FBXO9: variants seen among roughly 807,000 people sequenced by gnomAD.
FBXO9 encodes the protein F-box only protein 9.
In FBXO9, 43 loss-of-function variants were observed where a neutral mutation model predicts 63.7. The observed-to-expected ratio is 0.67, with a 90% CI of 0.53 to 0.87. The LOEUF (loss-of-function observed/expected upper bound fraction) is 0.87. Among genes scored for constraint, FBXO9 ranks in the 40% least tolerant of loss-of-function variants. The pLI is 0.00. For synonymous variants in FBXO9, 156 were observed against 171.7 expected (o/e 0.91, Z 0.72); for missense variants, 442 against 533.2 (o/e 0.83, Z 1.68).
At position 53,099,903 on chromosome 6, in the gene FBXO9, A is replaced by T. The variant is rs1003752709; in HGVS notation, c.*2073A>T. 1 of 152,224 alleles carries T rather than the reference A, an allele frequency of 6.6e-6. No individual in the cohort carries two copies. Among genetic ancestry groups the T allele is most frequent in the Non-Finnish European group, 1.5e-5 (1 of 68,032 alleles). The allele number at this position is 152,224 out of a possible 1,614,324, so 9.4% of individuals were successfully genotyped here. A position where few individuals can be genotyped will look rare whatever the true frequency, so the allele number is the denominator to read the frequency against. ...AATAAATAGAACATGATTAGGACAT[A>T]GTCAAATATAGCTAGAAAAATATAT... On this transcript the variant is annotated 3_prime_UTR_variant, in exon 13 of 13. Transcript: ENST00000323557.
At chr6:53,075,680 C>G (rs930861448) in intron 3 of FBXO9, among the ~76,000 whole-genome samples, 2 of 147,344 alleles carry the variant, frequency 1.4e-5, no homozygotes, top group African/African-American at 5.0e-5. Context: ...TATATATTCT[C>G]TCTCTGAAAT....
At chr6:53,084,474 A>C (rs1651951111) in intron 7 of FBXO9, among the ~76,000 whole-genome samples, 1 of 152,220 alleles carries the variant, frequency 6.6e-6, no homozygotes, top group Admixed American at 6.5e-5. Flanking sequence ...AAGTAGCATT[A>C]AGTGGGGGTA....
intron 12 of FBXO9, among the ~76,000 whole-genome samples, 161 bp downstream of exon 12, chr6:53,095,825 A>G (rs1459466382): frequency 1.3e-5 from 2 of 152,254 alleles, no homozygotes; most frequent in Admixed American, 6.5e-5. Flanking sequence ...AAATGGCCCA[A>G]ACGAAAAAGA....
chr6:53,097,926 G>GTATATATATATATATATATATA lies in FBXO9; in HGVS notation c.*124_*145dup, dbSNP rs57607929. On this transcript the variant is annotated 3_prime_UTR_variant, in exon 13 of 13. Coordinates refer to ENST00000323557, the MANE Select transcript of FBXO9 (RefSeq NM_033480.3). Reference sequence around the variant, plus strand: ...TAAATGTGTGTGTGTGCGTGTGTGTGTATATATATATATATATATATATAT... The same window carrying GTATATATATATATATATATATA: ...TAAATGTGTGTGTGTGCGTGTGTGTGTATATATATATATATATATATATATATATATATATATATATATATAT... 1 of 88,296 alleles carries GTATATATATATATATATATATA rather than the reference G, an allele frequency of 1.1e-5. No homozygotes were observed. The highest frequency in any genetic ancestry group is 2.0e-5 in the Non-Finnish European group (1 of 50,920). 5.5% of individuals were successfully genotyped at this position (88,296 alleles called of 1,614,324 possible). A position where few individuals can be genotyped will look rare whatever the true frequency, so the allele number is the denominator to read the frequency against.
At chr6:53,090,835 C>T (rs1044678468) in intron 7 of FBXO9, 2 of 152,150 alleles carry the variant, frequency 1.3e-5, no homozygotes, top group African/African-American at 2.4e-5. Context: ...CATGTGTCAC[C>T]ATGCCTGGTT....
At chr6:53,091,058 A>G (rs984756037) in intron 7 of FBXO9, 2 of 152,168 alleles carry the variant, frequency 1.3e-5, no homozygotes, top group African/African-American at 4.8e-5. Flanking sequence ...CTAGTGCACT[A>G]TGCTGACTGG....
chr6:53,086,024 C>T (rs1171370029), intron 7 of FBXO9, among the ~76,000 whole-genome samples: 3 of 152,158 alleles, frequency 2.0e-5, no homozygotes, highest in East Asian at 1.9e-4. Context: ...TGGCTCATGC[C>T]TATAATCCCA....
chr6:53,077,488 A>G (rs953965916), intron 4 of FBXO9, among the ~76,000 whole-genome samples: 2 of 150,012 alleles, frequency 1.3e-5, no homozygotes, highest in Non-Finnish European at 3.0e-5. Context: ...AAAAAAAAAA[A>G]AAAAAAAAAA....
chr6:53,076,890 A>T (rs1769132132), intron 4 of FBXO9, among the ~76,000 whole-genome samples: 1 of 152,072 alleles, frequency 6.6e-6, no homozygotes, highest in African/African-American at 2.4e-5. Flanking sequence ...GCTATATTTG[A>T]AATTGTTTTT....
chr6:53,083,018 T>A (rs561060276), intron 7 of FBXO9, among the ~76,000 whole-genome samples: 1 of 152,322 alleles, frequency 6.6e-6, no homozygotes, highest in African/African-American at 2.4e-5. Flanking sequence ...TATTCTATAT[T>A]TTGAAAATTT....
Position 53,071,193 on chromosome 6 carries a change from A to G in FBXO9, c.90+50A>G, listed in dbSNP as rs1038516128. 11 of 1,489,670 alleles carry G rather than the reference A, an allele frequency of 7.4e-6. No individual in the cohort carries two copies. In the Admixed American group the frequency reaches 1.6e-4, roughly 22 times the overall value. The allele number at this position is 1,489,670 out of a possible 1,614,324, so 92.3% of individuals were successfully genotyped here. ...GATTTTTATTCCATTGTTCCCATAC[A>G]TATGCAGAAATTGATCATAATCATG... On this transcript the variant is annotated intron_variant, in intron 2 of 12. Coordinates refer to ENST00000323557, the MANE Select transcript of FBXO9 (RefSeq NM_033480.3).
At chr6:53,096,172 CTT>C in intron 12 of FBXO9, among the ~76,000 whole-genome samples, 1 of 152,260 alleles carries the variant, frequency 6.6e-6, no homozygotes, top group African/African-American at 2.4e-5. Context: ...ATTTAAAACT[CTT>C]TGTTCTATGC....
In FBXO9 at chr6:53,097,979, A is replaced by G. The variant is rs1763265980; in HGVS notation, c.*149A>G. 1 of 137,642 alleles carries G rather than the reference A, an allele frequency of 7.3e-6. No individual in the cohort carries two copies. Among genetic ancestry groups the G allele is most frequent in the South Asian group, 2.4e-4 (1 of 4,236 alleles). The allele number at this position is 137,642 out of a possible 1,614,324, so 8.5% of individuals were successfully genotyped here. A position where few individuals can be genotyped will look rare whatever the true frequency, so the allele number is the denominator to read the frequency against. ...ATATATATATATATATATATATGGA[A>G]TTGGAACTTATTTTAAATTGTTGGA... On this transcript the variant is annotated 3_prime_UTR_variant, in exon 13 of 13. Coordinates refer to ENST00000323557, the MANE Select transcript of FBXO9 (RefSeq NM_033480.3).
intron 12 of FBXO9, among the ~76,000 whole-genome samples, chr6:53,096,022 C>T (rs1763200071): frequency 6.6e-6 from 1 of 152,148 alleles, no homozygotes; most frequent in Admixed American, 6.5e-5. Context: ...TTTCTTTTCC[C>T]ACAGTTACCA....
intron 2 of FBXO9, among the ~76,000 whole-genome samples, chr6:53,072,312 A>G (rs745749822): frequency 1.3e-5 from 2 of 152,088 alleles, no homozygotes; most frequent in East Asian, 3.9e-4. Context: ...TGGGTTCCCC[A>G]GGAAGCAGAC....
In FBXO9 at chr6:53,082,576, A is replaced by T; in HGVS notation, c.611A>T (p.Glu204Val). The change falls in exon 7 of 13, where the codon GAG (glutamate) becomes GTG (valine). Residue 204 changes from glutamate (E) to valine (V), a missense_variant. By Grantham distance (121) the Glu-to-Val change is moderately radical. Coordinates refer to ENST00000323557, the MANE Select transcript of FBXO9 (RefSeq NM_033480.3). Reference protein sequence around the residue: ...VSSDLDLRSLEQLSLVCRGFY... With the variant: ...VSSDLDLRSLVQLSLVCRGFY... Reference sequence around the variant, plus strand: ...AGTGACTTGGACCTCAGATCATTGGAGCAGTTGTCGCTGGTGTGCAGAGGA... The same window carrying T: ...AGTGACTTGGACCTCAGATCATTGGTGCAGTTGTCGCTGGTGTGCAGAGGA... 6.2e-7 allele frequency: 1 copy of T among 1,613,774 alleles called. No homozygotes were observed. Among genetic ancestry groups the T allele is most frequent in the South Asian group, 1.1e-5 (1 of 91,066 alleles).
At chr6:53,077,630 A>C (rs909670809) in intron 4 of FBXO9, among the ~76,000 whole-genome samples, 20 of 152,210 alleles carry the variant, frequency 1.3e-4, no homozygotes, top group Admixed American at 1.2e-3. Flanking sequence ...TAGTAAAGAT[A>C]ATAATTGATG....
intron 4 of FBXO9, among the ~76,000 whole-genome samples, chr6:53,077,901 CTAG>C (rs1769175612): frequency 6.6e-6 from 1 of 152,068 alleles, no homozygotes; most frequent in Non-Finnish European, 1.5e-5. Context: ...GGAAAAAGAA[CTAG>C]TCAGCCTCTA....
At chr6:53,079,574 T>C (rs1206751878) in intron 5 of FBXO9, among the ~76,000 whole-genome samples, 1 of 152,158 alleles carries the variant, frequency 6.6e-6, no homozygotes, top group African/African-American at 2.4e-5. Context: ...GCAATACTTT[T>C]GCAAGACAAT....
Sources: gnomAD v4.1 joint callset for allele counts (sites outside exome capture counted in the v4.1 genomes callset) on GRCh38, gnomAD v4.1.1 for gene constraint, MANE v1.5 for transcripts, NCBI Gene and HGNC (gene_info 2026-07-23, HGNC 2026-07-21) for gene names.